The following CEP152 variants were observed in gnomAD, a reference collection of about 807,000 sequenced individuals.
The protein encoded by CEP152 is centrosomal protein of 152 kDa.
In CEP152, 132 loss-of-function variants were observed where a neutral mutation model predicts 188.9. The observed-to-expected ratio is 0.70, with a 90% CI of 0.61 to 0.81. CEP152 has a LOEUF of 0.81. Among genes scored for constraint, CEP152 ranks in the 30% least tolerant of loss-of-function variants. CEP152 has a pLI of 0.00. For synonymous variants in CEP152, 649 were observed against 666.6 expected (o/e 0.97, Z 0.41); for missense variants, 1,914 against 1,969.8 (o/e 0.97, Z 0.54).
chr15:48,766,000 T>TA (rs1895061875), intron 17 of CEP152, among the ~76,000 whole-genome samples: 2 of 151,864 alleles, frequency 1.3e-5, no homozygotes, highest in Admixed American at 6.6e-5. Flanking sequence ...TTCCCTATTT[T>TA]AATTTTTAAA....
chr15:48,729,909 A>G (rs1246198179), intron 2 of CEP152: 40 of 152,078 alleles, frequency 2.6e-4, no homozygotes, highest in Admixed American at 2.6e-3. Flanking sequence ...TAATAAATAC[A>G]CAGAAAAGAG....
At chr15:48,800,025 C>T (rs760846873) in intron 2 of CEP152, among the ~76,000 whole-genome samples, 1 of 152,078 alleles carries the variant, frequency 6.6e-6, no homozygotes, top group Admixed American at 6.5e-5. Context: ...AATTCAGGGG[C>T]GCCTTGACAG....
chr15:48,744,449 CT>C (rs1893259599), intron 23 of CEP152, 106 bp from the exon 24 acceptor site: 1 of 1,533,320 alleles, frequency 6.5e-7, no homozygotes, highest in Non-Finnish European at 8.8e-7. Context: ...CTGAGAAGTG[CT>C]AAAAATCTCA....
At chr15:48,768,887 CTAT>C in intron 14 of CEP152, 66 bp downstream of exon 14, 1 of 1,209,142 alleles carries the variant, frequency 8.3e-7, no homozygotes, top group Non-Finnish European at 1.2e-6. Context: ...TGCAAAAACT[CTAT>C]TATATCCTTT....
intron 22 of CEP152, among the ~76,000 whole-genome samples, chr15:48,748,061 A>G (rs1893588755): frequency 6.6e-6 from 1 of 152,180 alleles, no homozygotes; most frequent in Admixed American, 6.5e-5. Flanking sequence ...ACGTTTAATT[A>G]TTTGTTAATC....
At chr15:48,801,728 T>C (rs1897678314) in intron 2 of CEP152, among the ~76,000 whole-genome samples, 1 of 152,170 alleles carries the variant, frequency 6.6e-6, no homozygotes, top group Non-Finnish European at 1.5e-5. Context: ...GAGTCCAAAA[T>C]GGCAATCTTG....
chr15:48,753,318 G>A (rs554231441), intron 20 of CEP152, among the ~76,000 whole-genome samples: 3 of 152,230 alleles, frequency 2.0e-5, no homozygotes, highest in South Asian at 2.1e-4. Flanking sequence ...GAGCCACCAC[G>A]CTCAGCCAAA....
At chr15:48,744,138 A>T in intron 24 of CEP152, 102 bp downstream of exon 24, 1 of 1,529,894 alleles carries the variant, frequency 6.5e-7, no homozygotes. Flanking sequence ...GTAATTTGGA[A>T]AATTCCCTAG....
At chr15:48,746,656 T>A (rs1021810738) in intron 22 of CEP152, among the ~76,000 whole-genome samples, 4 of 152,176 alleles carry the variant, frequency 2.6e-5, no homozygotes, top group Non-Finnish European at 5.9e-5. Context: ...GTGGCTTCTT[T>A]TAGCAGTATT....
chr15:48,781,430 A>G, intron 11 of CEP152, 71 bp from the exon 12 acceptor site: 1 of 1,355,078 alleles, frequency 7.4e-7, no homozygotes, highest in Non-Finnish European at 1.0e-6. Flanking sequence ...TTCTGTTTCA[A>G]AATTTGTTTT....
In CEP152 at chr15:48,752,457, C is replaced by A; in HGVS notation, c.3358G>T (p.Glu1120Ter). ...TGGCTGGCAGAATCCTTAGAGAGCT[C>A]GGCCATATTTCTCTGAAATAAAGTA... Reference protein sequence around the residue: ...DPEWKKRNMAELSKDSASQGT... With the variant: ...DPEWKKRNMA Residue 1120 changes from glutamate (E) to a stop codon, truncating the protein, a stop_gained, in exon 21 of 27, where the codon GAG (glutamate) becomes TAG (stop). Coordinates refer to ENST00000380950, the MANE Select transcript of CEP152 (RefSeq NM_001194998.2). LOFTEE classifies it high-confidence loss of function. The A allele has an allele frequency of 6.2e-7, 1 of 1,613,482 alleles. No individual in the cohort carries two copies. The highest frequency in any genetic ancestry group is 1.1e-5 in the South Asian group (1 of 91,058).
At chr15:48,760,068 G>C (rs943256220) in intron 19 of CEP152, 67 bp downstream of exon 19, 1 of 1,604,186 alleles carries the variant, frequency 6.2e-7, no homozygotes, top group African/African-American at 1.3e-5. Flanking sequence ...CAAATTCCAA[G>C]GACTGAGATA....
rs145823799 is a variant in CEP152 at position 48,746,501 on chromosome 15, C to T, written c.3635-1509G>A. On this transcript the variant is annotated intron_variant, in intron 22 of 26. Coordinates refer to ENST00000380950, the MANE Select transcript of CEP152 (RefSeq NM_001194998.2). ...GGCCTCTACTAAAGAGCTAAGTAAT[C>T]ACAAAATGAATTGCAGTTGTTAAAT... Among the ~76,000 whole-genome samples the T allele has an allele frequency of 2.5e-3, 383 of 152,218 alleles. 1 individual carries two copies. The highest frequency in any genetic ancestry group is 8.7e-3 in the African/African-American group (363 of 41,540).
chr15:48,741,823 C>A (rs1483745512), intron 25 of CEP152, 119 bp from the exon 26 acceptor site: 2 of 1,608,686 alleles, frequency 1.2e-6, no homozygotes, highest in Non-Finnish European at 1.7e-6. Context: ...CAGCCATAAA[C>A]CTCTCTTAAC....
chr15:48,777,494 G>GTGTGTC (rs899086112), intron 12 of CEP152, among the ~76,000 whole-genome samples: 6 of 151,276 alleles, frequency 4.0e-5, no homozygotes, highest in African/African-American at 1.5e-4. Context: ...GTGTGTGTGT[G>GTGTGTC]TGTCTGTGTG....
At chr15:48,770,849 C>A (rs1895475888) in intron 13 of CEP152, among the ~76,000 whole-genome samples, 1 of 152,158 alleles carries the variant, frequency 6.6e-6, no homozygotes. Context: ...AGCAAAAACA[C>A]TGTTTTTCCA....
chr15:48,781,176 CTAAAA>C lies in CEP152; in HGVS notation c.1577+15_1577+19del. Reference sequence around the variant, plus strand: ...CTAATGTTGGTTCTTCTACAGTAAACTAAAATATTCTTTCCATACCTGGTAACTTT... The same window carrying C: ...CTAATGTTGGTTCTTCTACAGTAAACTATTCTTTCCATACCTGGTAACTTT... On this transcript the variant is annotated intron_variant, in intron 12 of 26. Transcript: ENST00000380950. 1 of 1,610,230 alleles carries C rather than the reference CTAAAA, an allele frequency of 6.2e-7. No homozygotes were observed. Among genetic ancestry groups the C allele is most frequent in the Non-Finnish European group, 8.5e-7 (1 of 1,176,840 alleles).
chr15:48,748,835 C>T (rs1448632419), intron 21 of CEP152, among the ~76,000 whole-genome samples: 1 of 151,986 alleles, frequency 6.6e-6, no homozygotes, highest in African/African-American at 2.4e-5. Context: ...GTCTAAGGCA[C>T]TACTGGATAC....
Position 48,796,193 on chromosome 15 carries a change from T to C in CEP152, c.541-33A>G, listed in dbSNP as rs1897279752. The C allele has an allele frequency of 2.5e-6, 4 of 1,611,890 alleles. 1 individual carries two copies. In the South Asian group the frequency reaches 4.4e-5, roughly 18 times the overall value. ...AACAAATGAAACTGACAATTAAGAT[T>C]TGGCCTTTTCTTCCAAAATTATCTG... On this transcript the variant is annotated intron_variant, in intron 5 of 26. Coordinates refer to ENST00000380950, the MANE Select transcript of CEP152 (RefSeq NM_001194998.2).
Sources: gnomAD v4.1 joint callset for allele counts (sites outside exome capture counted in the v4.1 genomes callset) on GRCh38, gnomAD v4.1.1 for gene constraint, MANE v1.5 for transcripts, NCBI Gene and HGNC (gene_info 2026-07-23, HGNC 2026-07-21) for gene names.